Variants in CORO6 observed in about 807,000 individuals in gnomAD.
CORO6 encodes coronin-6.
A neutral mutation model predicts 49.0 loss-of-function variants in CORO6; 43 were observed. That is an observed-to-expected ratio of 0.88 (90% CI 0.69 to 1.13). The LOEUF (loss-of-function observed/expected upper bound fraction) is 1.13. CORO6 is among the 50% of genes most tolerant of loss of function. CORO6 has a pLI of 0.00. For missense variants in CORO6, 650 were observed against 647.0 expected, an observed-to-expected ratio of 1.00 and a Z score of -0.05; for synonymous variants, 233 against 256.5, an observed-to-expected ratio of 0.91 and a Z score of 0.88.
intron 5 of CORO6, chr17:29,618,566 C>T (rs1197922254): frequency 1.5e-6 from 2 of 1,379,222 alleles, no homozygotes; most frequent in Non-Finnish European, 9.4e-7. Flanking sequence ...TTCTGAGATG[C>T]AAGGGAGGGG....
At position 29,616,073 on chromosome 17, in the gene CORO6, T is replaced by C. The variant is rs780116908; in HGVS notation, c.1165A>G (p.Ile389Val). The C allele has an allele frequency of 9.9e-6, 16 of 1,612,764 alleles. No individual in the cohort carries two copies. The highest frequency in any genetic ancestry group is 1.4e-5 in the Non-Finnish European group (16 of 1,179,966). Residue 389 changes from isoleucine (I) to valine (V), a missense_variant, in exon 10 of 11, where the codon ATT becomes GTT. Physicochemically the swap from Ile to Val is conservative, Grantham distance 29. Transcript: ENST00000388767. The surrounding 1 kb of genome is among the most constrained non-coding windows in gnomAD (Gnocchi z 5.6). ...LSGQDAEPVL[I>V]SLRDGYVPPK... Reference sequence around the variant, plus strand: ...GGCACATAGCCGTCCCTCAGCGAAATGAGCACGGGTTCGGCGTCCTGGCCG... The same window carrying C: ...GGCACATAGCCGTCCCTCAGCGAAACGAGCACGGGTTCGGCGTCCTGGCCG...
rs907642801 is a variant in CORO6, at chr17:29,617,834, G to T, written c.634-215C>A. On this transcript the variant is annotated intron_variant, in intron 5 of 10. Coordinates refer to ENST00000388767, the MANE Select transcript of CORO6 (RefSeq NM_032854.4). ...GGCCTGGAGAGAGCAGGAGGCACGC[G>T]GCTCTCAGCCGATCCCGAACCCTTA... 1.3e-5 allele frequency: 9 copies of T among 678,324 alleles called. No individual in the cohort carries two copies. The Admixed American group carries it at 2.6e-4, about 20-fold the overall frequency. 42.0% of individuals were successfully genotyped at this position (678,324 alleles called of 1,614,324 possible). A position where few individuals can be genotyped will look rare whatever the true frequency, so the allele number is the denominator to read the frequency against.
At chr17:29,617,911 A>C in intron 5 of CORO6, 1 of 778,632 alleles carries the variant, frequency 1.3e-6, no homozygotes, top group Non-Finnish European at 1.9e-6. Flanking sequence ...GGCTCCCCGG[A>C]GTCGCAGCGA....
chr17:29,616,042 T>C lies in CORO6; in HGVS notation c.1196A>G (p.Lys399Arg), dbSNP rs1285987324. ...CTTCGTGACCCGGAGCTCGCGGTGC[T>C]TGGGGGGCACATAGCCGTCCCTCAG... ...ISLRDGYVPP[K>R]HRELRVTKRN... Residue 399 changes from lysine (K) to arginine (R), a missense_variant, in exon 10 of 11, where the codon AAG becomes AGG. Coordinates refer to ENST00000388767, the MANE Select transcript of CORO6 (RefSeq NM_032854.4). The surrounding 1 kb of genome is among the most constrained non-coding windows in gnomAD (Gnocchi z 5.6). 1 of 1,611,602 alleles carries C rather than the reference T, an allele frequency of 6.2e-7. No homozygotes were observed.
rs2034757691 is a variant in CORO6, at chr17:29,614,775, T to A, written c.*957A>T. The A allele has an allele frequency of 6.6e-6, 1 of 152,518 alleles. No homozygotes were observed. The highest frequency in any genetic ancestry group is 1.5e-5 in the Non-Finnish European group (1 of 68,078). The allele number at this position is 152,518 out of a possible 1,614,324, so 9.4% of individuals were successfully genotyped here. On this transcript the variant is annotated 3_prime_UTR_variant, in exon 11 of 11. Transcript: ENST00000388767. ...CTTCATACCGGAGGCTTTTGCTACC[T>A]AACTTTACTTGGGGGGAACGCCTAC...
chr17:29,615,776 C>T lies in CORO6; in HGVS notation c.1375G>A (p.Ala459Thr). 6.4e-7 allele frequency: 1 copy of T among 1,555,382 alleles called. No homozygotes were observed. Among genetic ancestry groups the T allele is most frequent in the Non-Finnish European group, 8.7e-7 (1 of 1,150,370 alleles). Residue 459 changes from alanine to threonine, a missense_variant, in exon 11 of 11, where the codon GCT becomes ACT. Coordinates refer to ENST00000388767, the MANE Select transcript of CORO6 (RefSeq NM_032854.4). ...AGCTCGCACAGCATGTTCTCCAGAG[C>T]CGTGATGCGCTGCTCCTGGGCCTGC... ...RVQAQEQRIT[A>T]LENMLCELVD... is the part of the protein sequence containing the mutation.
At position 29,621,877 on chromosome 17, in the gene CORO6, T is replaced by C. The variant is rs1019094735; in HGVS notation, c.-63-393A>G. On this transcript the variant is annotated intron_variant, in intron 1 of 10. Coordinates refer to ENST00000388767, the MANE Select transcript of CORO6 (RefSeq NM_032854.4). The surrounding 1 kb of genome is among the most constrained non-coding windows in gnomAD (Gnocchi z 4.2). ...TGTCCAGAAGCAGAAGACTTGACCA[T>C]TGGATCTTGGCTTAAAGCCAGGTAT... The C allele has an allele frequency of 1.6e-5, 3 of 188,664 alleles. No homozygotes were observed. The highest frequency in any genetic ancestry group is 2.3e-5 in the African/African-American group (1 of 43,052). 11.7% of individuals were successfully genotyped at this position (188,664 alleles called of 1,614,324 possible).
chr17:29,619,500 G>A, intron 3 of CORO6, 151 bp downstream of exon 3: 1 of 780,786 alleles, frequency 1.3e-6, no homozygotes, highest in African/African-American at 1.7e-5. Flanking sequence ...GGGTGGGCAT[G>A]TAGCTAAAAA....
rs2035290375 is a variant in CORO6 at position 29,621,227 on chromosome 17, G to A, written c.195C>T (p.Ala65=). 3 of 1,613,958 alleles carry A rather than the reference G, an allele frequency of 1.9e-6. No individual in the cohort carries two copies. Among genetic ancestry groups the A allele is most frequent in the African/African-American group, 1.3e-5 (1 of 74,920 alleles). Residue 65 remains alanine (A), a synonymous_variant, in exon 2 of 11, where the codon GCC becomes GCT. Transcript: ENST00000388767. The surrounding 1 kb of genome is among the most constrained non-coding windows in gnomAD (Gnocchi z 4.2). ...CTTCCTTTCCCTGATCCCTCACCTT[G>A]GCCAGAGGCAGGACGATGAAGGCAC... ...GGGAFIVLPL[A]KTGRVDKNYP...
At chr17:29,619,536 G>A in intron 3 of CORO6, 115 bp downstream of exon 3, 2 of 1,038,502 alleles carry the variant, frequency 1.9e-6, no homozygotes, top group Non-Finnish European at 2.9e-6. Flanking sequence ...GCAGGGCAGG[G>A]CCCTGGGACC....
chr17:29,621,740 A>C lies in CORO6; in HGVS notation c.-63-256T>G. Reference sequence around the variant, plus strand: ...AGACTGAAAGCTTTCTGGACGTTGGAATGTTTTTGGGAGGAGCCTCAATGC... The same window carrying C: ...AGACTGAAAGCTTTCTGGACGTTGGCATGTTTTTGGGAGGAGCCTCAATGC... On this transcript the variant is annotated intron_variant, in intron 1 of 10. Transcript: ENST00000388767. This position sits in a 1 kb window ranked among gnomAD's most constrained non-coding sequence, Gnocchi z 4.2. 1 of 353,424 alleles carries C rather than the reference A, an allele frequency of 2.8e-6. No individual in the cohort carries two copies. Among genetic ancestry groups the C allele is most frequent in the Non-Finnish European group, 5.3e-6 (1 of 187,728 alleles). The allele number at this position is 353,424 out of a possible 1,614,324, so 21.9% of individuals were successfully genotyped here.
At chr17:29,617,425 G>A (rs547418052) in intron 6 of CORO6, 75 bp downstream of exon 6, 4 of 1,553,212 alleles carry the variant, frequency 2.6e-6, no homozygotes, top group South Asian at 2.4e-5. Flanking sequence ...CATGCCCTGC[G>A]GGTGGGGGGC....
intron 5 of CORO6, 70 bp from the exon 6 acceptor site, chr17:29,617,689 A>C: frequency 6.8e-7 from 1 of 1,459,914 alleles, no homozygotes; most frequent in Non-Finnish European, 9.1e-7. Context: ...AGGGATGAGC[A>C]ACCAGCTTGC....
In CORO6 at chr17:29,618,591, G is replaced by T. The variant is rs546166170; in HGVS notation, c.633+199C>A. On this transcript the variant is annotated intron_variant, in intron 5 of 10. Transcript: ENST00000388767. ...CAAGGGAGGGGAGGGAACAGGAGCC[G>T]GGCAGAGAATTGCAGGCTGGGGGCT... The T allele has an allele frequency of 7.1e-6, 10 of 1,409,518 alleles. No homozygotes were observed. The Admixed American group carries it at 2.1e-4, about 29-fold the overall frequency. 87.3% of individuals were successfully genotyped at this position (1,409,518 alleles called of 1,614,324 possible). A position where few individuals can be genotyped will look rare whatever the true frequency, so the allele number is the denominator to read the frequency against.
intron 3 of CORO6, 65 bp downstream of exon 3, chr17:29,619,586 C>A (rs1400994925): frequency 1.3e-6 from 2 of 1,538,608 alleles, no homozygotes; most frequent in Non-Finnish European, 1.8e-6. Context: ...CCTTCCCCAG[C>A]ACAGGTGAGG....
In CORO6 at chr17:29,621,136, A is replaced by G; in HGVS notation, c.198+88T>C. The G allele has an allele frequency of 6.6e-7, 1 of 1,507,052 alleles. No homozygotes were observed. Among genetic ancestry groups the G allele is most frequent in the Admixed American group, 1.8e-5 (1 of 54,900 alleles). The allele number at this position is 1,507,052 out of a possible 1,614,324, so 93.4% of individuals were successfully genotyped here. A position where few individuals can be genotyped will look rare whatever the true frequency, so the allele number is the denominator to read the frequency against. ...ACACAGATGCTTCTCCTGACTATGG[A>G]ATGGAACTAGGTGAGAACAAAGGCT... On this transcript the variant is annotated intron_variant, in intron 2 of 10. Coordinates refer to ENST00000388767, the MANE Select transcript of CORO6 (RefSeq NM_032854.4). The surrounding 1 kb of genome is among the most constrained non-coding windows in gnomAD (Gnocchi z 4.2).
chr17:29,619,305 A>G (rs1434928300), intron 3 of CORO6, 116 bp from the exon 4 acceptor site: 4 of 1,280,936 alleles, frequency 3.1e-6, no homozygotes, highest in South Asian at 1.3e-5. Context: ...AGGGTCAAAT[A>G]CAGGGCAAGA....
At chr17:29,619,039 A>AC in intron 4 of CORO6, 21 bp downstream of exon 4, 2 of 1,611,580 alleles carry the variant, frequency 1.2e-6, no homozygotes, top group Non-Finnish European at 1.7e-6. Context: ...TCTATGGGGG[A>AC]CCCCTCCTTA....
At chr17:29,619,807 C>T (rs939851283) in intron 2 of CORO6, 34 bp from the exon 3 acceptor site, 1 of 1,592,432 alleles carries the variant, frequency 6.3e-7, no homozygotes, top group African/African-American at 1.3e-5. Flanking sequence ...TGGGGCTACT[C>T]TCCTGTGTGT....
Sources: allele counts gnomAD v4.1 joint callset, GRCh38; gene constraint gnomAD v4.1.1; non-coding constraint Gnocchi (gnomAD v3.1); transcripts MANE v1.5; gene names NCBI Gene and HGNC (gene_info 2026-07-23, HGNC 2026-07-21).